AMOTL1: variants seen among roughly 807,000 people sequenced by gnomAD.
AMOTL1 encodes angiomotin-like protein 1.
In AMOTL1, 45 loss-of-function variants were observed where a neutral mutation model predicts 102.9. The observed-to-expected ratio is 0.44, with a 90% CI of 0.34 to 0.56. The LOEUF (loss-of-function observed/expected upper bound fraction) is 0.56, where lower values mean the gene tolerates loss of function less well. Among genes scored for constraint, AMOTL1 ranks in the 20% least tolerant of loss-of-function variants. The pLI is 0.01. For synonymous variants in AMOTL1, 481 were observed against 484.7 expected (o/e 0.99, Z 0.10); for missense variants, 1,114 against 1,225.6 (o/e 0.91, Z 1.36).
At chr11:94,743,627 ATTAT>A (rs967506837) in intron 3 of AMOTL1, among the ~76,000 whole-genome samples, 1 of 140,788 alleles carries the variant, frequency 7.1e-6, no homozygotes, top group African/African-American at 2.7e-5. Flanking sequence ...TTAAAAGAAA[ATTAT>A]TTCTCTACTC....
At chr11:94,708,865 A>G (rs1371884001) in intron 1 of AMOTL1, among the ~76,000 whole-genome samples, 6 of 152,208 alleles carry the variant, frequency 3.9e-5, no homozygotes, top group African/African-American at 1.4e-4. Flanking sequence ...GAGTACAGGA[A>G]ACCAGTACAG....
intron 1 of AMOTL1, among the ~76,000 whole-genome samples, chr11:94,784,395 A>G (rs973878778): frequency 2.0e-5 from 3 of 152,158 alleles, no homozygotes; most frequent in African/African-American, 7.2e-5. Context: ...TATTAATATA[A>G]TCACCTTTTT....
intron 3 of AMOTL1, among the ~76,000 whole-genome samples, chr11:94,803,504 T>A (rs1951515817): frequency 1.3e-5 from 2 of 152,208 alleles, no homozygotes; most frequent in African/African-American, 2.4e-5. Context: ...CTTGTTCTAC[T>A]ATACTTTTTC....
At chr11:94,779,378 G>T (rs1951074184) in intron 1 of AMOTL1, among the ~76,000 whole-genome samples, 2 of 152,152 alleles carry the variant, frequency 1.3e-5, no homozygotes, top group African/African-American at 4.8e-5. Context: ...AATATGATGT[G>T]TTGTTTGAAT....
chr11:94,861,226 G>A (rs761876860), intron 9 of AMOTL1, among the ~76,000 whole-genome samples: 28 of 152,250 alleles, frequency 1.8e-4, no homozygotes, highest in Non-Finnish European at 2.9e-4. Context: ...CCTGGGTTGA[G>A]AGTTGGAGGG....
chr11:94,824,600 C>T (rs573899608), intron 4 of AMOTL1, among the ~76,000 whole-genome samples: 10 of 152,308 alleles, frequency 6.6e-5, no homozygotes, highest in African/African-American at 2.4e-4. Context: ...CTAAGGTCAC[C>T]CTAGTCCCAG....
At chr11:94,738,175 G>A (rs1441599972) in intron 2 of AMOTL1, among the ~76,000 whole-genome samples, 1 of 152,086 alleles carries the variant, frequency 6.6e-6, no homozygotes, top group Non-Finnish European at 1.5e-5. Context: ...ACAGGCAAAT[G>A]CAGAGTGATT....
chr11:94,766,793 T>G (rs1432468730), upstream of AMOTL1, among the ~76,000 whole-genome samples: 13 of 152,262 alleles, frequency 8.5e-5, no homozygotes, highest in Non-Finnish European at 1.3e-4. Flanking sequence ...TCAACAGCTA[T>G]GCCTGAGCTT....
At chr11:94,759,046 T>G (rs1369654624) in intron 3 of AMOTL1, among the ~76,000 whole-genome samples, 1 of 152,252 alleles carries the variant, frequency 6.6e-6, no homozygotes, top group African/African-American at 2.4e-5. Context: ...TTTCTGAAGA[T>G]CATATCAATT....
intron 1 of AMOTL1, among the ~76,000 whole-genome samples, chr11:94,708,975 T>G (rs1289311159): frequency 1.3e-5 from 2 of 152,118 alleles, no homozygotes; most frequent in Admixed American, 1.3e-4. Flanking sequence ...TACTCAGAGA[T>G]TTAAAAATCG....
intron 3 of AMOTL1, among the ~76,000 whole-genome samples, chr11:94,807,645 A>C (rs576703641): frequency 6.6e-6 from 1 of 151,956 alleles, no homozygotes; most frequent in Non-Finnish European, 1.5e-5. Context: ...TTTTCTCTGC[A>C]TTATTTTTTA....
intron 3 of AMOTL1, among the ~76,000 whole-genome samples, chr11:94,809,896 A>G (rs147140578): frequency 1.3e-5 from 2 of 152,316 alleles, no homozygotes; most frequent in Non-Finnish European, 2.9e-5. Context: ...TTTTTCCTTT[A>G]AGCCAATTAA....
intron 4 of AMOTL1, among the ~76,000 whole-genome samples, chr11:94,827,886 G>A (rs1198888843): frequency 6.6e-6 from 1 of 152,136 alleles, no homozygotes. Context: ...CGGCTCCACT[G>A]GCTTCAGTTT....
At chr11:94,717,323 G>C (rs1340140879) in intron 1 of AMOTL1, among the ~76,000 whole-genome samples, 2 of 148,762 alleles carry the variant, frequency 1.3e-5, no homozygotes, top group African/African-American at 5.0e-5. Flanking sequence ...AACAATTTCT[G>C]GCAGGAAAAG....
At chr11:94,866,308 C>T in intron 11 of AMOTL1, 140 bp downstream of exon 11, 4 of 797,594 alleles carry the variant, frequency 5.0e-6, no homozygotes, top group Admixed American at 2.6e-5. Context: ...GGAAATCAGT[C>T]ATACTTCAGT....
intron 9 of AMOTL1, among the ~76,000 whole-genome samples, chr11:94,861,440 T>G (rs1168318541): frequency 1.3e-5 from 2 of 152,212 alleles, no homozygotes; most frequent in Non-Finnish European, 2.9e-5. Context: ...CTTGGACATA[T>G]GTGGTCTAGT....
At chr11:94,742,106 A>G (rs1413209330) in intron 3 of AMOTL1, among the ~76,000 whole-genome samples, 1 of 152,202 alleles carries the variant, frequency 6.6e-6, no homozygotes, top group Non-Finnish European at 1.5e-5. Flanking sequence ...GAGGAGTACC[A>G]TGTTTTATTC....
intron 1 of AMOTL1, among the ~76,000 whole-genome samples, chr11:94,774,752 T>C (rs948481090): frequency 7.9e-5 from 12 of 152,220 alleles, no homozygotes; most frequent in Admixed American, 2.0e-4. Context: ...TGGAAACACA[T>C]GTTAAGAATG....
At chr11:94,725,140 C>T (rs573764336) in intron 1 of AMOTL1, among the ~76,000 whole-genome samples, 2 of 152,178 alleles carry the variant, frequency 1.3e-5, no homozygotes, top group East Asian at 3.9e-4. Flanking sequence ...ATCAAGCATA[C>T]GGATTCATCC....
Sources: gnomAD v4.1 joint callset for allele counts (sites outside exome capture counted in the v4.1 genomes callset) on GRCh38, gnomAD v4.1.1 for gene constraint, MANE v1.5 for transcripts, NCBI Gene and HGNC (gene_info 2026-07-23, HGNC 2026-07-21) for gene names.